The following KLHL8 variants were observed in gnomAD, a reference collection of about 807,000 sequenced individuals.
The protein encoded by KLHL8 is kelch-like protein 8.
KLHL8 carries 38 observed loss-of-function variants against 63.5 expected under a neutral mutation model. The ratio of observed to expected loss-of-function variants is 0.60; its 90% CI spans 0.46 to 0.78. The LOEUF is 0.78. Ranked by LOEUF, KLHL8 falls within the 30% of genes least tolerant of loss-of-function variation. KLHL8 has a pLI of 0.00. For missense variants in KLHL8, 566 were observed against 752.4 expected (o/e 0.75, Z 2.90); for synonymous variants, 224 against 254.3 (o/e 0.88, Z 1.13).
rs569350546 is a variant in KLHL8 at position 87,161,361 on chromosome 4, T to C, written c.*2158A>G. On this transcript the variant is annotated 3_prime_UTR_variant, in exon 10 of 10. Transcript: ENST00000273963. ...GCCTGGCCTATTTATCTTTTCATAC[T>C]GCTGTCAGGTCCTTCAAGGCTATGC... 6.6e-6 allele frequency: 1 copy of C among 152,336 alleles called. No homozygotes were observed. The highest frequency in any genetic ancestry group is 2.4e-5 in the African/African-American group (1 of 41,562). The allele number at this position is 152,336 out of a possible 1,614,324, so 9.4% of individuals were successfully genotyped here. A position where few individuals can be genotyped will look rare whatever the true frequency, so the allele number is the denominator to read the frequency against.
At chr4:87,187,959 T>C (rs1167008683) in intron 2 of KLHL8, among the ~76,000 whole-genome samples, 2 of 152,220 alleles carry the variant, frequency 1.3e-5, no homozygotes, top group African/African-American at 2.4e-5. Flanking sequence ...TTCAAATGTA[T>C]AAATGGTTTT....
In KLHL8 at chr4:87,185,680, A is replaced by C; in HGVS notation, c.336T>G (p.Asp112Glu). Residue 112 changes from aspartate to glutamate, a missense_variant, in exon 3 of 10, where the codon GAT becomes GAG. Asp to Glu is a conservative substitution (Grantham distance 45). Coordinates refer to ENST00000273963, the MANE Select transcript of KLHL8 (RefSeq NM_020803.5). ...EAKQTLIEIR[D>E]FDGDAIEDLV... ...AGTCTTCTATTGCATCACCATCAAA[A>C]TCTCTAATCTCAATCAGCGTTTGCT... 1 of 1,614,186 alleles carries C rather than the reference A, an allele frequency of 6.2e-7. No homozygotes were observed. Among genetic ancestry groups the C allele is most frequent in the Non-Finnish European group, 8.5e-7 (1 of 1,180,024 alleles).
At chr4:87,177,305 A>T (rs1410829899) in intron 5 of KLHL8, among the ~76,000 whole-genome samples, 1 of 152,124 alleles carries the variant, frequency 6.6e-6, no homozygotes, top group Non-Finnish European at 1.5e-5. Context: ...ACCTGAGGTC[A>T]GGAGATCAAG....
intron 1 of KLHL8, among the ~76,000 whole-genome samples, chr4:87,226,787 TATATATTATATATA>T (rs1733006744): frequency 7.1e-5 from 1 of 14,042 alleles, no homozygotes; most frequent in African/African-American, 4.2e-4. Flanking sequence ...ATATATATAA[TATATATTATATATA>T]ATATATATTA....
chr4:87,195,229 A>T, intron 2 of KLHL8, 95 bp downstream of exon 2: 1 of 874,538 alleles, frequency 1.1e-6, no homozygotes, highest in Non-Finnish European at 1.7e-6. Flanking sequence ...TCAAATATGT[A>T]TAGCAACAAA....
At chr4:87,179,845 AAAAAAAACAGTGTAGTGT>A (rs1316356637) in intron 4 of KLHL8, among the ~76,000 whole-genome samples, 1 of 152,168 alleles carries the variant, frequency 6.6e-6, no homozygotes, top group Non-Finnish European at 1.5e-5. Context: ...CACAATTAAA[AAAAAAAACAGTGTAGTGT>A]AATTCAGAAT....
chr4:87,183,457 T>C, intron 3 of KLHL8, 68 bp from the exon 4 acceptor site: 1 of 1,235,506 alleles, frequency 8.1e-7, no homozygotes, highest in Non-Finnish European at 1.1e-6. Flanking sequence ...AGTCTAAAAA[T>C]TGTATCAAAT....
At chr4:87,215,314 T>G (rs899907133) in intron 1 of KLHL8, among the ~76,000 whole-genome samples, 1 of 152,240 alleles carries the variant, frequency 6.6e-6, no homozygotes, top group Admixed American at 6.5e-5. Flanking sequence ...ATATAAAGTA[T>G]GCTGCAATAT....
At chr4:87,221,490 G>A (rs1732848840), upstream of KLHL8, 1 of 151,366 alleles carries the variant, frequency 6.6e-6, no homozygotes. Flanking sequence ...TGTGTGAGGC[G>A]GGAGATCAAG....
intron 1 of KLHL8, among the ~76,000 whole-genome samples, chr4:87,231,336 C>G (rs897444660): frequency 3.3e-5 from 5 of 152,088 alleles, no homozygotes; most frequent in African/African-American, 9.7e-5. Flanking sequence ...AATGAAATAC[C>G]CTGACTTAAT....
rs1157834897 is a variant in KLHL8, at chr4:87,166,514, C to CTCTTATTCTTATT, written c.1538-2436_1538-2435insAATAAGAATAAGA. Among the ~76,000 whole-genome samples, 5 of 152,172 alleles carry CTCTTATTCTTATT rather than the reference C, an allele frequency of 3.3e-5. No individual in the cohort carries two copies. The East Asian group carries it at 9.6e-4, about 29-fold the overall frequency. On this transcript the variant is annotated intron_variant, in intron 8 of 9. Transcript: ENST00000273963. Reference sequence around the variant, plus strand: ...GCCGGAAACACTTTGAGATGCTTAACATGTATTATCTCTTATTCTTAAAAT... The same window carrying CTCTTATTCTTATT: ...GCCGGAAACACTTTGAGATGCTTAACTCTTATTCTTATTATGTATTATCTCTTATTCTTAAAAT...
At chr4:87,212,106 C>T (rs1732427922) in intron 1 of KLHL8, among the ~76,000 whole-genome samples, 1 of 151,900 alleles carries the variant, frequency 6.6e-6, no homozygotes, top group Non-Finnish European at 1.5e-5. Flanking sequence ...TAAATATTGC[C>T]AAAGACAAAA....
At chr4:87,221,363 C>G (rs530915690), upstream of KLHL8, 1 of 145,738 alleles carries the variant, frequency 6.9e-6, no homozygotes, top group East Asian at 2.0e-4. Context: ...CCATTGCACT[C>G]CAGCCTGGCG....
At chr4:87,181,849 ATTT>A (rs1731064778) in intron 4 of KLHL8, among the ~76,000 whole-genome samples, 1 of 152,148 alleles carries the variant, frequency 6.6e-6, no homozygotes, top group Admixed American at 6.5e-5. Context: ...CTAAGATGTT[ATTT>A]GAATTCAATT....
chr4:87,177,159 T>C (rs1213409043), intron 5 of KLHL8, among the ~76,000 whole-genome samples: 6 of 152,182 alleles, frequency 3.9e-5, no homozygotes. Context: ...AAATCACTAA[T>C]CATGCCTTCA....
At chr4:87,214,139 T>C (rs974859986) in intron 1 of KLHL8, among the ~76,000 whole-genome samples, 1 of 151,962 alleles carries the variant, frequency 6.6e-6, no homozygotes, top group Non-Finnish European at 1.5e-5. Context: ...TAAAATATGC[T>C]TTATAATGCT....
chr4:87,217,052 C>A (rs1462863200), intron 1 of KLHL8, among the ~76,000 whole-genome samples: 2 of 152,130 alleles, frequency 1.3e-5, no homozygotes, highest in Non-Finnish European at 2.9e-5. Context: ...CAGAAGTGAG[C>A]TCAGAACAAT....
intron 1 of KLHL8, among the ~76,000 whole-genome samples, chr4:87,201,586 CT>C (rs1408924896): frequency 6.6e-6 from 1 of 152,168 alleles, no homozygotes; most frequent in Non-Finnish European, 1.5e-5. Flanking sequence ...AATATACATT[CT>C]TTTCAAGTGC....
chr4:87,184,254 T>C (rs1341784850), intron 3 of KLHL8, among the ~76,000 whole-genome samples: 1 of 152,228 alleles, frequency 6.6e-6, no homozygotes, highest in African/African-American at 2.4e-5. Flanking sequence ...TGAGAAGATG[T>C]AAATGTGTTC....
Sources: gnomAD v4.1 joint callset for allele counts (sites outside exome capture counted in the v4.1 genomes callset) on GRCh38, gnomAD v4.1.1 for gene constraint, MANE v1.5 for transcripts, NCBI Gene and HGNC (gene_info 2026-07-23, HGNC 2026-07-21) for gene names.